Variants in CTNNA3 observed in about 807,000 individuals in gnomAD.
CTNNA3 encodes catenin alpha-3.
In CTNNA3, 76 loss-of-function variants were observed where a neutral mutation model predicts 95.7. That is an observed-to-expected ratio of 0.79 (90% confidence interval 0.66 to 0.96). The LOEUF (loss-of-function observed/expected upper bound fraction) is 0.96. CTNNA3 is among the 40% of genes least tolerant of loss of function. The probability of loss-of-function intolerance (pLI) is 0.00; values close to 1 mark genes in which losing one functional copy is unlikely to be tolerated. For synonymous variants in CTNNA3, 431 were observed against 374.4 expected (o/e 1.15, Z -1.74); for missense variants, 1,191 against 1,089.8 (o/e 1.09, Z -1.31).
At chr10:66,377,240 T>C (rs1260060691) in intron 12 of CTNNA3, among the ~76,000 whole-genome samples, 4 of 152,084 alleles carry the variant, frequency 2.6e-5, no homozygotes, top group Non-Finnish European at 5.9e-5. Context: ...AGATGCTGTT[T>C]ATACATAATA....
At chr10:66,509,746 A>G (rs1840589227) in intron 11 of CTNNA3, among the ~76,000 whole-genome samples, 1 of 151,714 alleles carries the variant, frequency 6.6e-6, no homozygotes, top group African/African-American at 2.4e-5. Flanking sequence ...TTATACCCAT[A>G]CCATGTTGTT....
intron 9 of CTNNA3, among the ~76,000 whole-genome samples, chr10:66,685,010 G>C (rs1302038892): frequency 6.6e-6 from 1 of 151,150 alleles, no homozygotes; most frequent in Admixed American, 6.6e-5. Flanking sequence ...ATGGCTAATA[G>C]TTCAAATTTT....
rs551741274 is a variant in CTNNA3, at chr10:66,447,210, T to C, written c.1532-67858A>G. Among the ~76,000 whole-genome samples, 571 of 152,236 alleles carry C rather than the reference T, an allele frequency of 3.8e-3. 9 individuals are homozygous for C. Among genetic ancestry groups the C allele is most frequent in the Non-Finnish European group, 5.7e-3 (389 of 68,034 alleles). On this transcript the variant is annotated intron_variant, in intron 11 of 17. Transcript: ENST00000433211. ...CAAATGGAAGAATATTCCATGCTCA[T>C]GGGTAGGAAGAATCAATATCGTGAA...
intron 1 of CTNNA3, among the ~76,000 whole-genome samples, chr10:67,683,594 GTA>G (rs1840669141): frequency 6.6e-6 from 1 of 152,188 alleles, no homozygotes; most frequent in African/African-American, 2.4e-5. Flanking sequence ...CCAGTTAATT[GTA>G]TACCTTCATC....
intron 13 of CTNNA3, among the ~76,000 whole-genome samples, chr10:66,215,839 G>A (rs748845530): frequency 1.3e-5 from 2 of 152,184 alleles, no homozygotes; most frequent in African/African-American, 4.8e-5. Flanking sequence ...GTCATGTCTT[G>A]ACATTGTCAA....
intron 10 of CTNNA3, among the ~76,000 whole-genome samples, chr10:66,553,687 C>T (rs1345761948): frequency 1.3e-5 from 2 of 151,344 alleles, no homozygotes; most frequent in African/African-American, 4.9e-5. Flanking sequence ...GCCACCACAC[C>T]CGGCTAATTT....
chr10:67,180,363 G>A lies in CTNNA3; in HGVS notation c.1001C>T (p.Ala334Val), dbSNP rs1862465973. The A allele has an allele frequency of 1.2e-6, 2 of 1,613,610 alleles. No individual in the cohort carries two copies. Among genetic ancestry groups the A allele is most frequent in the South Asian group, 2.2e-5 (2 of 91,084 alleles). ...HRERIIAECN[A>V]IRQALQDLLS... Reference sequence around the variant, plus strand: ...CAGATCCTGAAGAGCCTGGCGAATGGCGTTGCATTCTGCGATAATCCGCTC... The same window carrying A: ...CAGATCCTGAAGAGCCTGGCGAATGACGTTGCATTCTGCGATAATCCGCTC... The change falls in exon 7 of 18, where the codon GCC becomes GTC. Residue 334 changes from alanine to valine, a missense_variant. Physicochemically the swap from Ala to Val is moderately conservative, Grantham distance 64 (BLOSUM62 0). Coordinates refer to ENST00000433211, the MANE Select transcript of CTNNA3 (RefSeq NM_013266.4).
chr10:66,594,925 T>C (rs534326320), intron 10 of CTNNA3, among the ~76,000 whole-genome samples: 7 of 152,270 alleles, frequency 4.6e-5, no homozygotes, highest in Non-Finnish European at 7.3e-5. Context: ...AATGAGTTAA[T>C]ATATAAAAAT....
chr10:66,315,777 A>G (rs751944573), intron 12 of CTNNA3, among the ~76,000 whole-genome samples: 2 of 152,102 alleles, frequency 1.3e-5, no homozygotes, highest in Non-Finnish European at 2.9e-5. Flanking sequence ...AAAGGTAACA[A>G]GTTTATTCTC....
chr10:66,975,284 ATAAGTAC>A (rs1217063859), intron 7 of CTNNA3, among the ~76,000 whole-genome samples: 1 of 152,182 alleles, frequency 6.6e-6, no homozygotes, highest in Non-Finnish European at 1.5e-5. Flanking sequence ...ATTAATAGTA[ATAAGTAC>A]TATCTGTGAG....
chr10:66,828,432 A>G (rs1842592958), intron 7 of CTNNA3, among the ~76,000 whole-genome samples: 1 of 152,182 alleles, frequency 6.6e-6, no homozygotes, highest in African/African-American at 2.4e-5. Flanking sequence ...TATTACCACA[A>G]TGTATTATAA....
intron 2 of CTNNA3, among the ~76,000 whole-genome samples, chr10:67,626,636 G>A (rs1407663217): frequency 6.6e-6 from 1 of 152,098 alleles, no homozygotes; most frequent in Admixed American, 6.5e-5. Flanking sequence ...CTGTTTTGGG[G>A]TTCTCTGTTT....
intron 9 of CTNNA3, among the ~76,000 whole-genome samples, chr10:66,632,749 T>A (rs1016377855): frequency 4.0e-5 from 6 of 151,832 alleles, no homozygotes; most frequent in African/African-American, 1.5e-4. Context: ...ATTTTAAATG[T>A]CAAAATATTG....
intron 7 of CTNNA3, among the ~76,000 whole-genome samples, chr10:67,112,056 A>G (rs1266544750): frequency 2.0e-5 from 3 of 152,186 alleles, no homozygotes; most frequent in African/African-American, 4.8e-5. Flanking sequence ...TATTAAATGA[A>G]TCATTCACAC....
chr10:67,078,518 TATTA>T (rs1234258713), intron 7 of CTNNA3, among the ~76,000 whole-genome samples: 1 of 149,486 alleles, frequency 6.7e-6, no homozygotes, highest in African/African-American at 2.5e-5. Context: ...ATACCTTTTT[TATTA>T]TTATTATTAT....
intron 5 of CTNNA3, among the ~76,000 whole-genome samples, chr10:67,492,075 G>T (rs985635737): frequency 1.3e-5 from 2 of 152,054 alleles, no homozygotes; most frequent in African/African-American, 2.4e-5. Context: ...GGCAGTTATT[G>T]ACTCCGTGGG....
chr10:67,272,371 G>A (rs950361374), intron 5 of CTNNA3, among the ~76,000 whole-genome samples: 5 of 152,058 alleles, frequency 3.3e-5, no homozygotes, highest in East Asian at 1.9e-4. Context: ...GGGCAATATC[G>A]AGAAACCTTG....
At chr10:67,197,196 C>T (rs944182243) in intron 6 of CTNNA3, among the ~76,000 whole-genome samples, 2 of 152,054 alleles carry the variant, frequency 1.3e-5, no homozygotes, top group Admixed American at 6.6e-5. Context: ...TTTAAACAAA[C>T]ATTTGAATAG....
chr10:67,050,042 T>C (rs1854986630), intron 7 of CTNNA3, among the ~76,000 whole-genome samples: 1 of 152,230 alleles, frequency 6.6e-6, no homozygotes, highest in Admixed American at 6.5e-5. Context: ...ACCAATTCAT[T>C]GACTGTGGCT....
Sources: gnomAD v4.1 joint callset for allele counts (sites outside exome capture counted in the v4.1 genomes callset) on GRCh38, gnomAD v4.1.1 for gene constraint, MANE v1.5 for transcripts, NCBI Gene and HGNC (gene_info 2026-07-23, HGNC 2026-07-21) for gene names.